The following RABGAP1 variants were observed in gnomAD, a reference collection of about 807,000 sequenced individuals.
The protein encoded by RABGAP1 is rab GTPase-activating protein 1.
A neutral mutation model predicts 137.6 loss-of-function variants in RABGAP1; 23 were observed. That is an observed-to-expected ratio of 0.17 (90% confidence interval 0.12 to 0.24). The LOEUF (loss-of-function observed/expected upper bound fraction) is 0.24. RABGAP1 is among the 10% of genes least tolerant of loss of function. The pLI is 1.00. For missense variants in RABGAP1, 906 were observed against 1,275.8 expected (o/e 0.71, Z 4.42); for synonymous variants, 451 against 450.7 (o/e 1.00, Z -0.01).
At chr9:123,013,739 A>G (rs913376328) in intron 11 of RABGAP1, among the ~76,000 whole-genome samples, 1 of 152,202 alleles carries the variant, frequency 6.6e-6, no homozygotes, top group Admixed American at 6.5e-5. Context: ...CCAAAGCATT[A>G]TAATATAAAA....
intron 2 of RABGAP1, among the ~76,000 whole-genome samples, chr9:122,969,870 T>G (rs1158989283): frequency 6.6e-6 from 1 of 152,120 alleles, no homozygotes; most frequent in African/African-American, 2.4e-5. Flanking sequence ...CTGGCCAACA[T>G]GACATTTAAT....
intron 2 of RABGAP1, among the ~76,000 whole-genome samples, chr9:122,966,858 T>A (rs1835182020): frequency 6.6e-6 from 1 of 152,158 alleles, no homozygotes; most frequent in Non-Finnish European, 1.5e-5. Context: ...CTTACATGGA[T>A]GGAAGCAGGC....
chr9:123,099,335 T>A (rs2035274159), intron 23 of RABGAP1, 143 bp from the exon 24 acceptor site: 1 of 723,534 alleles, frequency 1.4e-6, no homozygotes, highest in African/African-American at 1.8e-5. Flanking sequence ...TGCTTATCCA[T>A]CGACTTCATA....
intron 2 of RABGAP1, among the ~76,000 whole-genome samples, chr9:122,967,328 T>G (rs1835214605): frequency 6.6e-6 from 1 of 152,190 alleles, no homozygotes; most frequent in African/African-American, 2.4e-5. Flanking sequence ...CAAGGACTTT[T>G]GCTATAAAAT....
intron 14 of RABGAP1, among the ~76,000 whole-genome samples, chr9:123,066,909 C>T (rs1050029859): frequency 1.3e-5 from 2 of 152,130 alleles, no homozygotes; most frequent in African/African-American, 4.8e-5. Context: ...TAGTTAATAT[C>T]CCCCACACTA....
chr9:123,051,657 G>T (rs937984865), intron 13 of RABGAP1, among the ~76,000 whole-genome samples: 1 of 152,072 alleles, frequency 6.6e-6, no homozygotes. Context: ...ATACAAGCAA[G>T]CATGTTCAAA....
At chr9:122,935,231 G>T in the RABGAP1 span, among the ~76,000 whole-genome samples, 1 of 152,098 alleles carries the variant, frequency 6.6e-6, no homozygotes, top group Non-Finnish European at 1.5e-5. Flanking sequence ...AATTTGAATT[G>T]ATACCAATTA....
chr9:122,948,042 AACACACACAC>A (rs55683114), intron 1 of RABGAP1, among the ~76,000 whole-genome samples: 5,968 of 146,004 alleles, frequency 0.041, 130 homozygotes, highest in Non-Finnish European at 0.056. Flanking sequence ...GAGCCAGGAA[AACACACACAC>A]ACACACACAC....
rs2034563845 is a variant in RABGAP1, at chr9:123,077,684, G to GTATTGTATTC, written c.2424+931_2424+932insCTATTGTATT. Among the ~76,000 whole-genome samples the GTATTGTATTC allele has an allele frequency of 3.8e-5, 4 of 104,552 alleles. No individual in the cohort carries two copies. In the South Asian group the frequency reaches 1.1e-3, roughly 28 times the overall value. 68.6% of individuals were successfully genotyped at this position (104,552 alleles called of 152,430 possible). ...GTATTGTATTGTATTGTATTGTATT[G>GTATTGTATTC]TATTGTATTTATTTTCTGTGGGGCT... On this transcript the variant is annotated intron_variant, in intron 19 of 25. Transcript: ENST00000373647.
At position 123,103,385 on chromosome 9, in the gene RABGAP1, G is replaced by C; in HGVS notation, c.*172G>C. The C allele has an allele frequency of 1.0e-6, 1 of 966,234 alleles. No individual in the cohort carries two copies. 59.9% of individuals were successfully genotyped at this position (966,234 alleles called of 1,614,324 possible). A position where few individuals can be genotyped will look rare whatever the true frequency, so the allele number is the denominator to read the frequency against. On this transcript the variant is annotated 3_prime_UTR_variant, in exon 26 of 26. Coordinates refer to ENST00000373647, the MANE Select transcript of RABGAP1 (RefSeq NM_012197.4). ...GAGCTTGTGAAGCAGGCAACCTCTG[G>C]GGTAAGACTACTGATACTAACAGGC... is the stretch of plus-strand genomic sequence containing the variant.
intron 13 of RABGAP1, among the ~76,000 whole-genome samples, chr9:123,045,084 G>C (rs180860592): frequency 6.6e-6 from 1 of 152,168 alleles, no homozygotes; most frequent in Non-Finnish European, 1.5e-5. Flanking sequence ...CAAAACGACT[G>C]AATTAGCTTT....
At chr9:122,972,425 GAGT>G (rs1835517306) in intron 2 of RABGAP1, among the ~76,000 whole-genome samples, 1 of 152,176 alleles carries the variant, frequency 6.6e-6, no homozygotes, top group South Asian at 2.1e-4. Context: ...GACTGGACTT[GAGT>G]AGGATGGCTG....
intron 10 of RABGAP1, among the ~76,000 whole-genome samples, chr9:123,001,085 T>C (rs2131834525): frequency 6.6e-6 from 1 of 151,846 alleles, no homozygotes; most frequent in South Asian, 2.1e-4. Context: ...CCTGACCTCG[T>C]GATCCATCTG....
At chr9:122,967,516 A>G (rs1835226095) in intron 2 of RABGAP1, among the ~76,000 whole-genome samples, 1 of 152,206 alleles carries the variant, frequency 6.6e-6, no homozygotes, top group Admixed American at 6.5e-5. Flanking sequence ...CAGTTAGCCT[A>G]GGAACAGTTT....
intron 11 of RABGAP1, among the ~76,000 whole-genome samples, chr9:123,014,981 T>A (rs1464796893): frequency 3.3e-5 from 5 of 152,088 alleles, no homozygotes; most frequent in Non-Finnish European, 7.4e-5. Context: ...TTCAGTTACC[T>A]CCCTTCGGGT....
chr9:123,052,128 A>G (rs547809935), intron 13 of RABGAP1, among the ~76,000 whole-genome samples: 13 of 152,150 alleles, frequency 8.5e-5, no homozygotes, highest in Admixed American at 3.3e-4. Context: ...TTTAAAAAAT[A>G]TATTAGAAAT....
rs139967673 is a variant in RABGAP1 at position 123,076,960 on chromosome 9, A to C, written c.2424+198A>C. ...ATAACTCTTAACCTTTTTTTCCCCA[A>C]AATACTTTCCTATATATTATAATCC... On this transcript the variant is annotated intron_variant, in intron 19 of 25. Transcript: ENST00000373647. 1,448 of 251,218 alleles carry C rather than the reference A, an allele frequency of 5.8e-3. 26 individuals are homozygous for C. The highest frequency in any genetic ancestry group is 0.032 in the African/African-American group (1,362 of 43,186). 15.6% of individuals were successfully genotyped at this position (251,218 alleles called of 1,614,324 possible).
chr9:122,998,560 T>C, intron 9 of RABGAP1, 37 bp from the exon 10 acceptor site: 1 of 1,393,812 alleles, frequency 7.2e-7, no homozygotes, highest in East Asian at 2.5e-5. Flanking sequence ...TTTGTGTTTC[T>C]GATTTACCTC....
chr9:123,098,381 G>A (rs990411419), intron 22 of RABGAP1, among the ~76,000 whole-genome samples: 2 of 152,230 alleles, frequency 1.3e-5, no homozygotes, highest in African/African-American at 4.8e-5. Flanking sequence ...ATGAGATGCT[G>A]AAAACCCGCA....
Sources: allele counts gnomAD v4.1 joint callset (sites outside exome capture counted in the v4.1 genomes callset), GRCh38; gene constraint gnomAD v4.1.1; transcripts MANE v1.5; gene names NCBI Gene and HGNC (gene_info 2026-07-23, HGNC 2026-07-21).